The following SSTR1 variants were observed in gnomAD, a reference collection of about 807,000 sequenced individuals.
SSTR1 encodes somatostatin receptor 1.
A neutral mutation model predicts 20.7 loss-of-function variants in SSTR1; 10 were observed. The ratio of observed to expected loss-of-function variants is 0.48; its 90% CI spans 0.30 to 0.82. The LOEUF is 0.82. Ranked by LOEUF, SSTR1 falls within the 40% of genes least tolerant of loss-of-function variation. The pLI is 0.07. For missense variants in SSTR1, 494 were observed against 540.0 expected (o/e 0.91, Z 0.84); for synonymous variants, 267 against 227.8 (o/e 1.17, Z -1.55).
In SSTR1 at chr14:38,209,277, T is replaced by C; in HGVS notation, c.-113T>C. 7.8e-7 allele frequency: 1 copy of C among 1,286,444 alleles called. No homozygotes were observed. The highest frequency in any genetic ancestry group is 1.0e-6 in the Non-Finnish European group (1 of 999,902). 79.7% of individuals were successfully genotyped at this position (1,286,444 alleles called of 1,614,324 possible). ...GCGGTTGCGCTCTACCCGGAGGCGC[T>C]GGGCGGCTGTGGGCTGCAGGCAAGC... On this transcript the variant is annotated 5_prime_UTR_variant, in exon 3 of 3. Coordinates refer to ENST00000267377, the MANE Select transcript of SSTR1 (RefSeq NM_001049.3).
At position 38,209,807 on chromosome 14, in the gene SSTR1, A is replaced by G. The variant is rs1167610299; in HGVS notation, c.418A>G (p.Asn140Asp). The G allele has an allele frequency of 1.9e-6, 3 of 1,613,774 alleles. No individual in the cohort carries two copies. In the African/African-American group the frequency reaches 4.0e-5, roughly 22 times the overall value. The stretch of plus-strand genomic sequence containing the variant: ...CCTCGTGCTCAGCGTGGACGCGGTC[A>G]ACATGTTCACCAGCATCTACTGTCT... ...CRLVLSVDAV[N>D]MFTSIYCLTV... Residue 140 changes from asparagine (N) to aspartate (D), a missense_variant, in exon 3 of 3, where the codon AAC (asparagine) becomes GAC (aspartate). Physicochemically the swap from Asn to Asp is conservative, Grantham distance 23. Around this residue, in one of 3 missense-constraint regions of SSTR1, gnomAD observed 116 missense variants for 174.6 expected, o/e 0.66. Transcript: ENST00000267377.
In SSTR1 at chr14:38,208,075, T is replaced by A. The variant is rs1883245216; in HGVS notation, c.-541T>A. 1 of 152,334 alleles carries A rather than the reference T, an allele frequency of 6.6e-6. No individual in the cohort carries two copies. The highest frequency in any genetic ancestry group is 2.4e-5 in the African/African-American group (1 of 41,572). The allele number at this position is 152,334 out of a possible 1,614,324, so 9.4% of individuals were successfully genotyped here. A position where few individuals can be genotyped will look rare whatever the true frequency, so the allele number is the denominator to read the frequency against. On this transcript the variant is annotated 5_prime_UTR_variant, in exon 1 of 3. Coordinates refer to ENST00000267377, the MANE Select transcript of SSTR1 (RefSeq NM_001049.3). ...CCCGCCCGCCCAAGCCTTTAAACTC[T>A]CGTCTGCCAGAACCCGCCAACTCTC... is the stretch of plus-strand genomic sequence containing the variant.
Sources: allele counts gnomAD v4.1 joint callset, GRCh38; gene constraint gnomAD v4.1.1; regional missense constraint gnomAD v4.1.1; transcripts MANE v1.5; gene names NCBI Gene and HGNC (gene_info 2026-07-23, HGNC 2026-07-21).